GTF2A1L: variants seen among roughly 807,000 people sequenced by gnomAD.
GTF2A1L encodes the protein general transcription factor IIA subunit 1 like.
Under a neutral mutation model 49.7 loss-of-function variants are expected in GTF2A1L, and 48 were observed. The observed-to-expected ratio is 0.97, with a 90% CI of 0.77 to 1.23. The LOEUF is 1.23. Among genes scored for constraint, GTF2A1L ranks in the 50% most tolerant of loss-of-function variants. The pLI, the probability that GTF2A1L is intolerant of heterozygous loss-of-function variation, is 0.00. For synonymous variants in GTF2A1L, 246 were observed against 193.5 expected, an observed-to-expected ratio of 1.27 and a Z score of -2.25; for missense variants, 736 against 564.8, an observed-to-expected ratio of 1.30 and a Z score of -3.07.
At chr2:48,676,866 G>A (rs1279287350) in intron 8 of GTF2A1L, among the ~76,000 whole-genome samples, 1 of 149,490 alleles carries the variant, frequency 6.7e-6, no homozygotes, top group Non-Finnish European at 1.5e-5. Flanking sequence ...ATATACTCAA[G>A]TCTTGATTCA....
intron 1 of GTF2A1L, among the ~76,000 whole-genome samples, chr2:48,619,622 G>C (rs1421783534): frequency 6.6e-6 from 1 of 152,062 alleles, no homozygotes; most frequent in Non-Finnish European, 1.5e-5. Flanking sequence ...TTTCATTTTG[G>C]CGTGATTAAG....
intron 3 of GTF2A1L, among the ~76,000 whole-genome samples, chr2:48,636,893 G>C (rs1676924298): frequency 6.6e-6 from 1 of 152,060 alleles, no homozygotes; most frequent in Non-Finnish European, 1.5e-5. Flanking sequence ...TCTGTATTTG[G>C]TCTTCATGTC....
At chr2:48,671,076 C>T (rs1448823932) in intron 7 of GTF2A1L, among the ~76,000 whole-genome samples, 1 of 152,054 alleles carries the variant, frequency 6.6e-6, no homozygotes, top group South Asian at 2.1e-4. Context: ...CCTGCCTTGG[C>T]CTTTCAAAGT....
intron 6 of GTF2A1L, among the ~76,000 whole-genome samples, chr2:48,658,185 G>A (rs1337665179): frequency 6.6e-6 from 1 of 152,140 alleles, no homozygotes; most frequent in Non-Finnish European, 1.5e-5. Context: ...CAAGGCTGAT[G>A]TCCAGAATGG....
In GTF2A1L at chr2:48,679,527, T is replaced by A. The variant is rs1253676726; in HGVS notation, c.*85T>A. ...GAATTCATTTTTATTTTGAATATAGTCCAGCACAGAGCTGTTCAAATTTTT... is the reference window on the plus strand; with the variant it reads ...GAATTCATTTTTATTTTGAATATAGACCAGCACAGAGCTGTTCAAATTTTT... On this transcript the variant is annotated 3_prime_UTR_variant, in exon 9 of 9. Coordinates refer to ENST00000403751, the MANE Select transcript of GTF2A1L (RefSeq NM_006872.5). 6.4e-7 allele frequency: 1 copy of A among 1,568,110 alleles called. No homozygotes were observed. The highest frequency in any genetic ancestry group is 2.0e-5 in the Admixed American group (1 of 49,656).
chr2:48,651,594 A>G (rs1677850444), intron 6 of GTF2A1L, among the ~76,000 whole-genome samples: 1 of 152,312 alleles, frequency 6.6e-6, no homozygotes, highest in African/African-American at 2.4e-5. Context: ...CTATTTCAGC[A>G]CATGGCATGC....
chr2:48,653,860 C>G (rs1172033342), intron 6 of GTF2A1L, among the ~76,000 whole-genome samples: 1 of 140,560 alleles, frequency 7.1e-6, no homozygotes, highest in Admixed American at 7.9e-5. Context: ...TAGCTTGAAC[C>G]CAGTGAGCTG....
At chr2:48,661,111 G>C (rs964232793) in intron 6 of GTF2A1L, among the ~76,000 whole-genome samples, 1 of 151,558 alleles carries the variant, frequency 6.6e-6, no homozygotes, top group East Asian at 1.9e-4. Context: ...ATTTCATTCT[G>C]CTAGCTTTAG....
intron 3 of GTF2A1L, among the ~76,000 whole-genome samples, chr2:48,640,304 G>C (rs781607473): frequency 5.3e-5 from 8 of 152,256 alleles, no homozygotes; most frequent in Admixed American, 1.3e-4. Flanking sequence ...ATGCTCATCA[G>C]TGACTGACTG....
At chr2:48,639,653 G>T (rs1677095794) in intron 3 of GTF2A1L, among the ~76,000 whole-genome samples, 1 of 152,140 alleles carries the variant, frequency 6.6e-6, no homozygotes, top group Non-Finnish European at 1.5e-5. Context: ...AAGATTTCAT[G>T]ACAAAGACAC....
chr2:48,639,396 A>G (rs936594755), intron 3 of GTF2A1L, among the ~76,000 whole-genome samples: 2 of 152,214 alleles, frequency 1.3e-5, no homozygotes, highest in African/African-American at 4.8e-5. Context: ...ATAAGGCTGC[A>G]CACCTGTAGC....
chr2:48,623,102 C>A (rs1017712323), intron 3 of GTF2A1L, among the ~76,000 whole-genome samples: 1 of 151,940 alleles, frequency 6.6e-6, no homozygotes, highest in Non-Finnish European at 1.5e-5. Context: ...TACATGTATC[C>A]CTTAAAAGTG....
intron 8 of GTF2A1L, 41 bp from the exon 9 acceptor site, chr2:48,679,294 C>G (rs1312405602): frequency 6.3e-7 from 1 of 1,595,072 alleles, no homozygotes; most frequent in South Asian, 1.1e-5. Flanking sequence ...GATCCTTTAA[C>G]TTGTAAAATT....
intron 3 of GTF2A1L, among the ~76,000 whole-genome samples, chr2:48,639,084 A>G (rs1426829280): frequency 2.6e-5 from 4 of 152,212 alleles, no homozygotes; most frequent in African/African-American, 9.6e-5. Flanking sequence ...TCCCACGCTC[A>G]TGGGTAGGAA....
At chr2:48,617,963 C>G (rs1675756012) in intron 1 of GTF2A1L, 68 bp downstream of exon 1, 24 of 1,477,134 alleles carry the variant, frequency 1.6e-5, no homozygotes, top group Non-Finnish European at 2.2e-5. Context: ...CAGCCGAACC[C>G]TGCACCTTTT....
At chr2:48,660,736 G>T (rs1678446428) in intron 6 of GTF2A1L, among the ~76,000 whole-genome samples, 1 of 152,056 alleles carries the variant, frequency 6.6e-6, no homozygotes, top group Admixed American at 6.6e-5. Flanking sequence ...TGCCTCCTGA[G>T]TTCAAATGAT....
intron 4 of GTF2A1L, among the ~76,000 whole-genome samples, chr2:48,644,056 G>T (rs1453293342): frequency 6.6e-6 from 1 of 151,994 alleles, no homozygotes; most frequent in Non-Finnish European, 1.5e-5. Context: ...CTGTAGTCCT[G>T]GCTACTTGAG....
rs70946820 is a variant in GTF2A1L at position 48,661,247 on chromosome 2, C to CTTTTTTTTTTTTTTTTTTT, written c.979-8465_979-8447dup. 3.2e-5 allele frequency among the ~76,000 whole-genome samples: 2 copies of CTTTTTTTTTTTTTTTTTTT among 62,744 alleles called. 1 individual carries two copies. The highest frequency in any genetic ancestry group is 1.5e-4 in the African/African-American group (2 of 12,904). 41.2% of individuals were successfully genotyped at this position (62,744 alleles called of 152,430 possible). ...CCATTGTTTTCACTGCATCCCCAAA[C>CTTTTTTTTTTTTTTTTTTT]TTTTTTTTTTTTTTTTTTTTTTTTT... On this transcript the variant is annotated intron_variant, in intron 6 of 8. Transcript: ENST00000403751.
At position 48,663,521 on chromosome 2, in the gene GTF2A1L, C is replaced by T. The variant is rs1678639924; in HGVS notation, c.979-6201C>T. Among the ~76,000 whole-genome samples the T allele has an allele frequency of 3.9e-5, 6 of 152,234 alleles. No homozygotes were observed. In the South Asian group the frequency reaches 1.2e-3, roughly 32 times the overall value. On this transcript the variant is annotated intron_variant, in intron 6 of 8. Transcript: ENST00000403751. ...TTTTACTTGTCCTAAAACAATGTCC[C>T]TAGAAGTATTAAAGTGTAAAGCACT... is the stretch of plus-strand genomic sequence containing the variant.
Sources: gnomAD v4.1 joint callset for allele counts (sites outside exome capture counted in the v4.1 genomes callset) on GRCh38, gnomAD v4.1.1 for gene constraint, MANE v1.5 for transcripts, NCBI Gene and HGNC (gene_info 2026-07-23, HGNC 2026-07-21) for gene names.